The following UNC5C variants were observed in gnomAD, a reference collection of about 807,000 sequenced individuals.
UNC5C encodes the protein netrin receptor UNC5C.
Under a neutral mutation model 99.8 loss-of-function variants are expected in UNC5C, and 47 were observed. That is an observed-to-expected ratio of 0.47 (90% CI 0.37 to 0.60). UNC5C has a LOEUF of 0.60. UNC5C is among the 20% of genes least tolerant of loss of function. The pLI, the probability that UNC5C is intolerant of heterozygous loss-of-function variation, is 0.00. For synonymous variants in UNC5C, 487 were observed against 452.2 expected, an observed-to-expected ratio of 1.08 and a Z score of -0.98; for missense variants, 1,062 against 1,165.9, an observed-to-expected ratio of 0.91 and a Z score of 1.30.
At chr4:95,239,736 T>A (rs1739263371) in intron 7 of UNC5C, among the ~76,000 whole-genome samples, 1 of 152,242 alleles carries the variant, frequency 6.6e-6, no homozygotes, top group African/African-American at 2.4e-5. Context: ...TTTTAATATA[T>A]TTTCAGTCAA....
At chr4:95,504,642 C>A (rs1051365155) in intron 1 of UNC5C, among the ~76,000 whole-genome samples, 2 of 152,012 alleles carry the variant, frequency 1.3e-5, no homozygotes, top group Non-Finnish European at 2.9e-5. Context: ...CACTTCAGGT[C>A]TACAAATATA....
chr4:95,315,846 T>TA (rs1742456915), intron 2 of UNC5C, among the ~76,000 whole-genome samples: 1 of 152,168 alleles, frequency 6.6e-6, no homozygotes, highest in Admixed American at 6.6e-5. Flanking sequence ...AGTTTCAGCA[T>TA]AAAAATGGAT....
Position 95,219,107 on chromosome 4 carries a change from G to C in UNC5C, c.1507C>G (p.Pro503Ala). 6.2e-7 allele frequency: 1 copy of C among 1,614,130 alleles called. No individual in the cohort carries two copies. The highest frequency in any genetic ancestry group is 1.1e-5 in the South Asian group (1 of 91,082). Reference protein sequence around the residue: ...DLSEFTSKLSPQMTQSLLENE... With the variant: ...DLSEFTSKLSAQMTQSLLENE... ...TCCAACAACGACTGGGTCATCTGAG[G>C]GGACAGCTTGGACGTAAACTCAGAG... Residue 503 changes from proline to alanine, a missense_variant, in exon 9 of 16, where the codon CCT (proline) becomes GCT (alanine). Physicochemically the swap from Pro to Ala is conservative, Grantham distance 27. Transcript: ENST00000453304.
intron 3 of UNC5C, among the ~76,000 whole-genome samples, chr4:95,292,264 T>A (rs1357318369): frequency 1.1e-4 from 6 of 52,970 alleles, no homozygotes; most frequent in South Asian, 9.4e-4. Flanking sequence ...TATATATATA[T>A]ATAAATTTTT....
intron 11 of UNC5C, among the ~76,000 whole-genome samples, chr4:95,205,821 A>G (rs539954288): frequency 8.5e-4 from 129 of 152,206 alleles, no homozygotes; most frequent in African/African-American, 3.1e-3. Flanking sequence ...AGCTGCAGAC[A>G]GCCAGAATGC....
At chr4:95,471,027 A>G (rs1012417145) in intron 1 of UNC5C, among the ~76,000 whole-genome samples, 1 of 152,074 alleles carries the variant, frequency 6.6e-6, no homozygotes, top group South Asian at 2.1e-4. Context: ...ATCACTATCC[A>G]AGTAAAATGA....
At chr4:95,403,238 T>G (rs1745748284) in intron 1 of UNC5C, among the ~76,000 whole-genome samples, 1 of 152,152 alleles carries the variant, frequency 6.6e-6, no homozygotes, top group Non-Finnish European at 1.5e-5. Context: ...ATTATTGAAA[T>G]CCCAAAGGCA....
intron 1 of UNC5C, among the ~76,000 whole-genome samples, chr4:95,459,224 C>T (rs748817040): frequency 3.9e-5 from 6 of 152,126 alleles, no homozygotes; most frequent in Admixed American, 6.5e-5. Context: ...AATTGCTCAT[C>T]GCTTCCTATG....
intron 1 of UNC5C, among the ~76,000 whole-genome samples, chr4:95,401,670 G>A (rs773277871): frequency 3.9e-5 from 6 of 152,136 alleles, no homozygotes; most frequent in South Asian, 2.1e-4. Flanking sequence ...GCGCCTCTTC[G>A]TGATATTTTC....
chr4:95,527,171 T>C (rs573479633), intron 1 of UNC5C, among the ~76,000 whole-genome samples: 27 of 152,194 alleles, frequency 1.8e-4, no homozygotes, highest in African/African-American at 6.0e-4. Context: ...TGACAAAAAT[T>C]AACTGAACTC....
In UNC5C at chr4:95,202,936, A is replaced by G. The variant is rs1253635927; in HGVS notation, c.1931T>C (p.Phe644Ser). The part of the protein sequence containing the change: ...EDVVVVGEEN[F>S]TTPCYIQLDA... ...CAGCTGAATGTAGCAGGGGGTGGTG[A>G]AGTTTTCCTCCCCGACCACCACCAC... Residue 644 changes from phenylalanine to serine, a missense_variant, in exon 12 of 16, where the codon TTC becomes TCC. Phe to Ser is a radical substitution (Grantham distance 155, BLOSUM62 -2). Around this residue, in one of 3 missense-constraint regions of UNC5C, gnomAD observed 810 missense variants for 854.5 expected, o/e 0.95. Transcript: ENST00000453304. 3 of 1,614,030 alleles carry G rather than the reference A, an allele frequency of 1.9e-6. No homozygotes were observed. The highest frequency in any genetic ancestry group is 2.5e-6 in the Non-Finnish European group (3 of 1,180,014).
intron 1 of UNC5C, among the ~76,000 whole-genome samples, chr4:95,459,966 T>C (rs1490964371): frequency 6.6e-6 from 1 of 152,208 alleles, no homozygotes; most frequent in Non-Finnish European, 1.5e-5. Context: ...TTATTTTAAA[T>C]GGCAACAGAT....
At chr4:95,389,459 A>C (rs1394142189) in intron 1 of UNC5C, among the ~76,000 whole-genome samples, 1 of 152,162 alleles carries the variant, frequency 6.6e-6, no homozygotes, top group East Asian at 1.9e-4. Flanking sequence ...TGGTGACAGC[A>C]CTGAATATCT....
In UNC5C at chr4:95,525,596, T is replaced by TAAA. The variant is rs574532435; in HGVS notation, c.124+23135_124+23137dup. Among the ~76,000 whole-genome samples, 23 of 102,146 alleles carry TAAA rather than the reference T, an allele frequency of 2.3e-4. 3 individuals carry two copies. Among genetic ancestry groups the TAAA allele is most frequent in the East Asian group, 6.3e-4 (2 of 3,150 alleles). The allele number at this position is 102,146 out of a possible 152,430, so 67.0% of individuals were successfully genotyped here. A position where few individuals can be genotyped will look rare whatever the true frequency, so the allele number is the denominator to read the frequency against. On this transcript the variant is annotated intron_variant, in intron 1 of 15. Transcript: ENST00000453304. ...ATAGCAGTGTGCAAAGCCTATTTCTTAAAAAAAAAAAAAAAAAAAAAAGAC... is the reference window on the plus strand; with the variant it reads ...ATAGCAGTGTGCAAAGCCTATTTCTTAAAAAAAAAAAAAAAAAAAAAAAAAGAC...
chr4:95,223,422 T>C (rs1243776307), intron 7 of UNC5C, among the ~76,000 whole-genome samples: 1 of 152,198 alleles, frequency 6.6e-6, no homozygotes. Flanking sequence ...AAAGCTGTAA[T>C]ACTAAAAGCA....
chr4:95,515,356 T>G (rs531663449), intron 1 of UNC5C, among the ~76,000 whole-genome samples: 6 of 152,344 alleles, frequency 3.9e-5, no homozygotes, highest in South Asian at 2.1e-4. Context: ...CTCAGAATGT[T>G]AAGGGTTTGC....
At chr4:95,295,314 C>T (rs1741634926) in intron 3 of UNC5C, among the ~76,000 whole-genome samples, 1 of 152,180 alleles carries the variant, frequency 6.6e-6, no homozygotes, top group Admixed American at 6.5e-5. Flanking sequence ...ATAAACTTTT[C>T]TCTGAATGAA....
intron 12 of UNC5C, among the ~76,000 whole-genome samples, 158 bp from the exon 13 acceptor site, chr4:95,185,354 A>G (rs886847185): frequency 6.6e-6 from 1 of 151,978 alleles, no homozygotes; most frequent in African/African-American, 2.4e-5. Context: ...CCCTCTAACT[A>G]AACTAACTAA....
At chr4:95,390,032 G>A (rs1274182746) in intron 1 of UNC5C, among the ~76,000 whole-genome samples, 1 of 152,072 alleles carries the variant, frequency 6.6e-6, no homozygotes, top group African/African-American at 2.4e-5. Flanking sequence ...TAGTGTAATA[G>A]TATGCCCCAA....
Sources: gnomAD v4.1 joint callset for allele counts (sites outside exome capture counted in the v4.1 genomes callset) on GRCh38, gnomAD v4.1.1 for gene constraint, gnomAD v4.1.1 regional missense constraint, MANE v1.5 for transcripts, NCBI Gene and HGNC (gene_info 2026-07-23, HGNC 2026-07-21) for gene names.